The following AGBL1 variants were observed in gnomAD, a reference collection of about 807,000 sequenced individuals.
AGBL1 encodes the protein cytosolic carboxypeptidase 4.
AGBL1 carries 130 observed loss-of-function variants against 118.9 expected under a neutral mutation model. That is an observed-to-expected ratio of 1.09 (90% CI 0.95 to 1.26). AGBL1 has a LOEUF of 1.26. Ranked by LOEUF, AGBL1 falls within the 50% of genes most tolerant of loss-of-function variation. The probability of loss-of-function intolerance (pLI) is 0.00; values close to 1 mark genes in which losing one functional copy is unlikely to be tolerated. For synonymous variants in AGBL1, 555 were observed against 478.9 expected, an observed-to-expected ratio of 1.16 and a Z score of -2.08; for missense variants, 1,584 against 1,298.1, an observed-to-expected ratio of 1.22 and a Z score of -3.38.
At chr15:86,141,885 G>A (rs374788721) in intron 1 of AGBL1, 119 bp from the exon 2 acceptor site, 299 of 1,020,150 alleles carry the variant, frequency 2.9e-4, no homozygotes, top group Non-Finnish European at 3.7e-4. Context: ...CTGTCCTTTC[G>A]CTGTAGTTAA....
chr15:86,247,041 T>C (rs2078731945), intron 6 of AGBL1, among the ~76,000 whole-genome samples: 2 of 152,210 alleles, frequency 1.3e-5, no homozygotes, highest in South Asian at 4.1e-4. Context: ...ACTCTAATTA[T>C]GAATTTCCTA....
intron 22 of AGBL1, among the ~76,000 whole-genome samples, chr15:86,799,763 A>G (rs1283427082): frequency 2.0e-5 from 3 of 152,160 alleles, no homozygotes; most frequent in Non-Finnish European, 2.9e-5. Context: ...TGTTAGCTGA[A>G]AAGTTCTAGG....
intron 16 of AGBL1, among the ~76,000 whole-genome samples, chr15:86,294,689 C>A (rs988287893): frequency 5.9e-5 from 9 of 151,932 alleles, no homozygotes; most frequent in Non-Finnish European, 8.8e-5. Flanking sequence ...TTCATGATAA[C>A]CACATTTTTT....
intron 23 of AGBL1, among the ~76,000 whole-genome samples, chr15:86,927,164 T>A (rs1000042463): frequency 1.3e-5 from 2 of 150,222 alleles, no homozygotes; most frequent in Non-Finnish European, 3.0e-5. Flanking sequence ...AATAAATAAA[T>A]AATAAAATAA....
At chr15:86,776,246 C>T (rs1181004243) in intron 22 of AGBL1, among the ~76,000 whole-genome samples, 1 of 152,100 alleles carries the variant, frequency 6.6e-6, no homozygotes, top group East Asian at 1.9e-4. Context: ...ACCTTTCTGT[C>T]CTTTGCCTTG....
At chr15:86,481,668 C>A (rs2082653077) in intron 18 of AGBL1, among the ~76,000 whole-genome samples, 1 of 152,082 alleles carries the variant, frequency 6.6e-6, no homozygotes, top group Admixed American at 6.6e-5. Context: ...TTTCCTATAT[C>A]ATTGATTATT....
chr15:86,901,034 A>G (rs74616574), intron 22 of AGBL1, among the ~76,000 whole-genome samples: 3,821 of 152,174 alleles, frequency 0.025, 173 homozygotes, highest in African/African-American at 0.086. Flanking sequence ...TTCTTCATTT[A>G]TAAGTTTTCT....
At chr15:86,331,644 G>A (rs4887429) in intron 17 of AGBL1, among the ~76,000 whole-genome samples, 81,186 of 152,026 alleles carry the variant, frequency 0.53, 22,220 homozygotes, top group Middle Eastern at 0.6. Flanking sequence ...TCGGGGGCCT[G>A]TTTACAACAT....
At chr15:86,838,210 T>C (rs1355013825) in intron 22 of AGBL1, among the ~76,000 whole-genome samples, 3 of 152,190 alleles carry the variant, frequency 2.0e-5, no homozygotes, top group Non-Finnish European at 2.9e-5. Context: ...GTTTATATTT[T>C]TCCTTTGAAA....
chr15:86,332,645 CAAAAAA>C (rs60036454), intron 17 of AGBL1, among the ~76,000 whole-genome samples: 1 of 89,040 alleles, frequency 1.1e-5, no homozygotes, highest in Non-Finnish European at 2.3e-5. Flanking sequence ...GACTCCATCT[CAAAAAA>C]AAAAAAAAAA....
At chr15:86,771,554 C>T (rs534332682) in intron 22 of AGBL1, among the ~76,000 whole-genome samples, 3 of 152,044 alleles carry the variant, frequency 2.0e-5, no homozygotes, top group Admixed American at 6.6e-5. Flanking sequence ...AAAGATTACC[C>T]CTAACCCCCG....
At chr15:86,154,285 A>G (rs759969706) in intron 3 of AGBL1, 145 bp from the exon 4 acceptor site, 2 of 826,166 alleles carry the variant, frequency 2.4e-6, no homozygotes, top group Non-Finnish European at 3.7e-6. Context: ...GGACATATTT[A>G]GCAGCATTTG....
intron 24 of AGBL1, among the ~76,000 whole-genome samples, chr15:87,015,818 G>T (rs1044897846): frequency 1.6e-4 from 25 of 152,106 alleles, no homozygotes; most frequent in Admixed American, 1.1e-3. Flanking sequence ...GTAATTTTTA[G>T]ACACTTATGG....
Position 86,269,781 on chromosome 15 carries a change from T to C in AGBL1, c.1839-138T>C, listed in dbSNP as rs1215530568. ...ACCCAATATTGTGGTATCAGGATGA[T>C]AAGTATAACTTACCAGCTGGCTGAG... On this transcript the variant is annotated intron_variant, in intron 13 of 22. Coordinates refer to ENST00000614907, the MANE Select transcript of AGBL1 (RefSeq NM_001386094.1). The C allele has an allele frequency of 1.3e-5, 13 of 975,060 alleles. No individual in the cohort carries two copies. In the African/African-American group the frequency reaches 1.8e-4, roughly 14 times the overall value. 60.4% of individuals were successfully genotyped at this position (975,060 alleles called of 1,614,324 possible).
chr15:86,247,967 TG>T, intron 7 of AGBL1, 88 bp downstream of exon 7: 1 of 1,484,690 alleles, frequency 6.7e-7, no homozygotes, highest in Non-Finnish European at 9.3e-7. Context: ...CAGATAGAGC[TG>T]GGAACGCCTC....
At chr15:86,103,795 T>G (rs529794216) in intron 1 of AGBL1, among the ~76,000 whole-genome samples, 36 of 152,278 alleles carry the variant, frequency 2.4e-4, no homozygotes, top group African/African-American at 8.7e-4. Context: ...ATGCTGGCGT[T>G]GGTGTTAGCT....
intron 20 of AGBL1, among the ~76,000 whole-genome samples, chr15:86,549,482 A>C (rs940451613): frequency 2.6e-5 from 4 of 152,134 alleles, no homozygotes; most frequent in Non-Finnish European, 4.4e-5. Flanking sequence ...AAAAGAAAGA[A>C]ATATTCTGCA....
intron 21 of AGBL1, among the ~76,000 whole-genome samples, chr15:86,634,145 A>G (rs1390485061): frequency 6.6e-6 from 1 of 152,082 alleles, no homozygotes; most frequent in Non-Finnish European, 1.5e-5. Flanking sequence ...ACTTTGGAAA[A>G]CAGTGTGGCA....
At chr15:87,006,873 G>C (rs2081510399) in intron 24 of AGBL1, among the ~76,000 whole-genome samples, 1 of 152,184 alleles carries the variant, frequency 6.6e-6, no homozygotes, top group Non-Finnish European at 1.5e-5. Context: ...AATGGAATGA[G>C]AGAAAAGTAA....
Sources: gnomAD v4.1 joint callset for allele counts (sites outside exome capture counted in the v4.1 genomes callset) on GRCh38, gnomAD v4.1.1 for gene constraint, MANE v1.5 for transcripts, NCBI Gene and HGNC (gene_info 2026-07-23, HGNC 2026-07-21) for gene names.